Variants in RNF217 observed in about 807,000 individuals in gnomAD.
The protein encoded by RNF217 is ring finger protein 217.
In RNF217, 31 loss-of-function variants were observed where a neutral mutation model predicts 57.8. The observed-to-expected ratio is 0.54, with a 90% CI of 0.40 to 0.72. The LOEUF (loss-of-function observed/expected upper bound fraction) is 0.72. RNF217 is among the 30% of genes least tolerant of loss of function. The probability of loss-of-function intolerance (pLI) is 0.00; values close to 1 mark genes in which losing one functional copy is unlikely to be tolerated. For missense variants in RNF217, 696 were observed against 708.3 expected (o/e 0.98, Z 0.20); for synonymous variants, 313 against 294.0 (o/e 1.06, Z -0.66).
chr6:125,032,108 T>G (rs1786386168), intron 1 of RNF217, among the ~76,000 whole-genome samples: 1 of 152,050 alleles, frequency 6.6e-6, no homozygotes, highest in Non-Finnish European at 1.5e-5. Context: ...CCCCCATGAT[T>G]CAGTTACCTC....
At chr6:125,015,472 A>G (rs1785566116) in intron 1 of RNF217, among the ~76,000 whole-genome samples, 1 of 152,242 alleles carries the variant, frequency 6.6e-6, no homozygotes, top group Non-Finnish European at 1.5e-5. Flanking sequence ...GCTGAATGGT[A>G]GAGATTAGTT....
chr6:125,072,715 G>T (rs1385631600), intron 3 of RNF217, among the ~76,000 whole-genome samples: 1 of 152,148 alleles, frequency 6.6e-6, no homozygotes, highest in Non-Finnish European at 1.5e-5. Flanking sequence ...GCACAGAATG[G>T]CAAAAACAAG....
At chr6:124,997,599 T>G (rs1240428928) in intron 1 of RNF217, among the ~76,000 whole-genome samples, 1 of 152,074 alleles carries the variant, frequency 6.6e-6, no homozygotes, top group Admixed American at 6.6e-5. Flanking sequence ...CCAATTACAG[T>G]TAAATCTCTC....
At chr6:125,029,085 A>C (rs943922246) in intron 1 of RNF217, among the ~76,000 whole-genome samples, 3 of 152,206 alleles carry the variant, frequency 2.0e-5, no homozygotes, top group Admixed American at 6.5e-5. Flanking sequence ...ATTTTCAATA[A>C]CAAGACATTT....
At chr6:124,979,806 G>C (rs1413708298) in intron 1 of RNF217, among the ~76,000 whole-genome samples, 1 of 152,200 alleles carries the variant, frequency 6.6e-6, no homozygotes, top group Admixed American at 6.5e-5. Context: ...TTGTGTTTAA[G>C]GGTTGAGTTG....
intron 5 of RNF217, among the ~76,000 whole-genome samples, chr6:125,082,071 A>G (rs1330124339): frequency 6.6e-6 from 1 of 152,106 alleles, no homozygotes; most frequent in East Asian, 1.9e-4. Flanking sequence ...ATGCTTTAGA[A>G]TATCCTCAAG....
chr6:125,000,263 C>T (rs984358414), intron 1 of RNF217, among the ~76,000 whole-genome samples: 1 of 151,962 alleles, frequency 6.6e-6, no homozygotes, highest in Non-Finnish European at 1.5e-5. Context: ...AAAATGTATT[C>T]TGTTGAATGG....
At chr6:125,080,809 G>A (rs895861291) in intron 4 of RNF217, among the ~76,000 whole-genome samples, 2 of 152,008 alleles carry the variant, frequency 1.3e-5, no homozygotes, top group African/African-American at 2.4e-5. Flanking sequence ...TATTTTATAA[G>A]TGCTTCCTTT....
At chr6:125,052,482 G>A (rs1006874603) in intron 2 of RNF217, among the ~76,000 whole-genome samples, 31 of 152,094 alleles carry the variant, frequency 2.0e-4, no homozygotes, top group African/African-American at 7.2e-4. Context: ...AGGGTGCAGT[G>A]CCTCATGAAG....
chr6:125,080,604 G>T (rs1788539475), intron 4 of RNF217, among the ~76,000 whole-genome samples: 1 of 151,926 alleles, frequency 6.6e-6, no homozygotes, highest in Non-Finnish European at 1.5e-5. Context: ...ATGCCGTAAG[G>T]TTTAAAATAC....
chr6:125,030,940 CT>C (rs1187245536), intron 1 of RNF217, among the ~76,000 whole-genome samples: 1 of 152,230 alleles, frequency 6.6e-6, no homozygotes, highest in Non-Finnish European at 1.5e-5. Flanking sequence ...CTGCAGCACA[CT>C]TTTGCCTGGG....
At position 125,090,822 on chromosome 6, in the gene RNF217, T is replaced by G. The variant is rs967614419; in HGVS notation, c.*7885T>G. On this transcript the variant is annotated 3_prime_UTR_variant, in exon 6 of 6. Coordinates refer to ENST00000521654, the MANE Select transcript of RNF217 (RefSeq NM_001286398.3). ...TCTTTTTAATGATATTGGAAAATAT[T>G]TATGCAATTTTATTTTTTAACCTTT... 2.0e-5 allele frequency: 3 copies of G among 151,954 alleles called. No individual in the cohort carries two copies. The highest frequency in any genetic ancestry group is 7.2e-5 in the African/African-American group (3 of 41,440). 9.4% of individuals were successfully genotyped at this position (151,954 alleles called of 1,614,324 possible).
intron 1 of RNF217, chr6:125,009,102 G>A (rs916353480): frequency 1.3e-4 from 97 of 764,794 alleles, no homozygotes; most frequent in Non-Finnish European, 1.3e-4. Context: ...CTGAACAGAC[G>A]TGTTAGAAAT....
At chr6:124,995,215 T>C (rs116503844) in intron 1 of RNF217, among the ~76,000 whole-genome samples, 3,542 of 152,248 alleles carry the variant, frequency 0.023, 137 homozygotes, top group African/African-American at 0.081. Context: ...TGAAATATTA[T>C]ACATACAAAA....
chr6:125,038,340 C>T (rs1302222242), intron 1 of RNF217, among the ~76,000 whole-genome samples: 1 of 152,038 alleles, frequency 6.6e-6, no homozygotes, highest in African/African-American at 2.4e-5. Context: ...TAACTTGATA[C>T]TAAAAAATTG....
At chr6:125,034,141 A>G (rs539081455) in intron 1 of RNF217, among the ~76,000 whole-genome samples, 61 of 152,138 alleles carry the variant, frequency 4.0e-4, no homozygotes, top group African/African-American at 1.3e-3. Context: ...CCCATTTTGT[A>G]GGTTGCCTAT....
chr6:124,983,812 A>G (rs919497509), intron 1 of RNF217, among the ~76,000 whole-genome samples: 1 of 152,220 alleles, frequency 6.6e-6, no homozygotes, highest in African/African-American at 2.4e-5. Context: ...CTGTGCTGCT[A>G]CAACAAAATA....
chr6:124,982,715 G>A (rs1784223843), intron 1 of RNF217, among the ~76,000 whole-genome samples: 1 of 152,100 alleles, frequency 6.6e-6, no homozygotes, highest in Non-Finnish European at 1.5e-5. Flanking sequence ...ACCCTCTAAA[G>A]GCATTTGGTT....
At chr6:124,980,589 G>T (rs908817387) in intron 1 of RNF217, among the ~76,000 whole-genome samples, 1 of 152,012 alleles carries the variant, frequency 6.6e-6, no homozygotes, top group Non-Finnish European at 1.5e-5. Context: ...GTTCCCTTCT[G>T]GTGTAAGTTC....
Sources: allele counts gnomAD v4.1 joint callset (sites outside exome capture counted in the v4.1 genomes callset), GRCh38; gene constraint gnomAD v4.1.1; transcripts MANE v1.5; gene names NCBI Gene and HGNC (gene_info 2026-07-23, HGNC 2026-07-21).